CNNM4: variants seen among roughly 807,000 people sequenced by gnomAD.
CNNM4 encodes the protein cyclin and CBS domain divalent metal cation transport mediator 4.
CNNM4 carries 32 observed loss-of-function variants against 53.7 expected under a neutral mutation model. The observed-to-expected ratio is 0.60, with a 90% CI of 0.45 to 0.80. CNNM4 has a LOEUF of 0.80. Ranked by LOEUF, CNNM4 falls within the 30% of genes least tolerant of loss-of-function variation. The pLI is 0.00. For synonymous variants in CNNM4, 410 were observed against 440.0 expected (o/e 0.93, Z 0.85); for missense variants, 784 against 1,022.0 (o/e 0.77, Z 3.17).
In CNNM4 at chr2:96,801,298, C is replaced by T. The variant is rs2079155390; in HGVS notation, c.1948+1650C>T. 6.6e-6 allele frequency among the ~76,000 whole-genome samples: 1 copy of T among 152,180 alleles called. No individual in the cohort carries two copies. Among genetic ancestry groups the T allele is most frequent in the African/African-American group, 2.4e-5 (1 of 41,422 alleles). On this transcript the variant is annotated intron_variant, in intron 5 of 6. Transcript: ENST00000377075. The surrounding 1 kb of genome is among the most constrained non-coding windows in gnomAD (Gnocchi z 5.6). The stretch of plus-strand genomic sequence containing the variant: ...GGGGCCCAATTTCTAGGCAGCTTTG[C>T]TGCCTCAGCTCTAGAAGGGGCCCCC...
intron 1 of CNNM4, among the ~76,000 whole-genome samples, chr2:96,790,775 G>A (rs2079055648): frequency 6.6e-6 from 1 of 150,630 alleles, no homozygotes; most frequent in Non-Finnish European, 1.5e-5. Flanking sequence ...CTTGAGGTTG[G>A]GAGTTAGAGA....
At chr2:96,788,852 G>A (rs1001001719) in intron 1 of CNNM4, 1 of 152,270 alleles carries the variant, frequency 6.6e-6, no homozygotes, top group Non-Finnish European at 1.5e-5. Flanking sequence ...GGTCTGCTCT[G>A]GGGCCCCTGG....
intron 1 of CNNM4, among the ~76,000 whole-genome samples, chr2:96,771,889 C>T (rs962993513): frequency 3.3e-5 from 5 of 152,178 alleles, no homozygotes; most frequent in South Asian, 2.1e-4. Context: ...TGCGCCTCTG[C>T]GGGAAGGTGA....
Position 96,763,183 on chromosome 2 carries a change from C to T in CNNM4, c.1402+782C>T, listed in dbSNP as rs80353321. Among the ~76,000 whole-genome samples, 28 of 152,296 alleles carry T rather than the reference C, an allele frequency of 1.8e-4. No homozygotes were observed. In the East Asian group the frequency reaches 5.4e-3, roughly 29 times the overall value. ...TGTGGCGCCAGCGTAAGCTTCCCTC[C>T]AGTGGTCTGCTGGAAATCTTCAGCT... On this transcript the variant is annotated intron_variant, in intron 1 of 6. Coordinates refer to ENST00000377075, the MANE Select transcript of CNNM4 (RefSeq NM_020184.4).
intron 1 of CNNM4, among the ~76,000 whole-genome samples, chr2:96,765,024 G>GTTTTGTTTTTTTTGTTTTTTTTTTTT (rs2078801834): frequency 2.4e-5 from 1 of 41,518 alleles, no homozygotes; most frequent in African/African-American, 8.8e-5. Context: ...GTTGGGAATG[G>GTTTTGTTTTTTTTGTTTTTTTTTTTT]TTTTTTTTTT....
chr2:96,765,024 G>GTTTTTTTTTTT lies in CNNM4; in HGVS notation c.1402+2655_1402+2665dup, dbSNP rs1158502593. ...GTTTAGGAGTCTGGTGTTGGGAATG[G>GTTTTTTTTTTT]TTTTTTTTTTTTTTTTTTTTTTTTT... is the stretch of plus-strand genomic sequence containing the variant. On this transcript the variant is annotated intron_variant, in intron 1 of 6. Coordinates refer to ENST00000377075, the MANE Select transcript of CNNM4 (RefSeq NM_020184.4). Among the ~76,000 whole-genome samples, 5 of 41,558 alleles carry GTTTTTTTTTTT rather than the reference G, an allele frequency of 1.2e-4. 1 individual carries two copies. Among genetic ancestry groups the GTTTTTTTTTTT allele is most frequent in the Admixed American group, 4.2e-4 (1 of 2,370 alleles). The allele number at this position is 41,558 out of a possible 152,430, so 27.3% of individuals were successfully genotyped here.
intron 5 of CNNM4, among the ~76,000 whole-genome samples, chr2:96,804,048 G>C (rs1476162879): frequency 6.6e-6 from 1 of 151,312 alleles, no homozygotes; most frequent in Non-Finnish European, 1.5e-5. Context: ...ACAGGCAGGT[G>C]CCACCATGCT....
Position 96,762,233 on chromosome 2 carries a change from G to C in CNNM4, c.1234G>C (p.Glu412Gln). The stretch of plus-strand genomic sequence containing the variant: ...CGGCTATACTCGCATCCCGGTGTTC[G>C]AAGACGAGCAGTCCAATATTGTAGA... ...ESGYTRIPVF[E>Q]DEQSNIVDIL... The change falls in exon 1 of 7, where the codon GAA becomes CAA. Residue 412 changes from glutamate to glutamine, a missense_variant. Coordinates refer to ENST00000377075, the MANE Select transcript of CNNM4 (RefSeq NM_020184.4). The C allele has an allele frequency of 6.2e-7, 1 of 1,614,146 alleles. No individual in the cohort carries two copies. The highest frequency in any genetic ancestry group is 8.5e-7 in the Non-Finnish European group (1 of 1,180,030).
intron 1 of CNNM4, among the ~76,000 whole-genome samples, chr2:96,771,044 G>C (rs2078864382): frequency 6.6e-6 from 1 of 152,182 alleles, no homozygotes; most frequent in African/African-American, 2.4e-5. Context: ...TACCCGGCTG[G>C]CCCTCGGCTG....
At chr2:96,772,434 G>GTGCACA (rs1558982303) in intron 1 of CNNM4, among the ~76,000 whole-genome samples, 8 of 101,340 alleles carry the variant, frequency 7.9e-5, no homozygotes, top group South Asian at 3.6e-4. Flanking sequence ...ACACACATGC[G>GTGCACA]CACACACACT....
rs1356695700 is a variant in CNNM4, at chr2:96,811,234, A to C, written c.*1717A>C. 6.6e-6 allele frequency: 1 copy of C among 152,262 alleles called. No homozygotes were observed. Among genetic ancestry groups the C allele is most frequent in the African/African-American group, 2.4e-5 (1 of 41,458 alleles). 9.4% of individuals were successfully genotyped at this position (152,262 alleles called of 1,614,324 possible). On this transcript the variant is annotated 3_prime_UTR_variant, in exon 7 of 7. Transcript: ENST00000377075. ...TGACACCCATGGGTTCTCAACTGTAAGGAAAAAAGACACCAGACTTTTGTT... is the reference window on the plus strand; with the variant it reads ...TGACACCCATGGGTTCTCAACTGTACGGAAAAAAGACACCAGACTTTTGTT...
intron 1 of CNNM4, among the ~76,000 whole-genome samples, chr2:96,768,630 C>T (rs1166428500): frequency 4.6e-5 from 7 of 152,138 alleles, no homozygotes; most frequent in South Asian, 4.1e-4. Flanking sequence ...GAAAGGGGGA[C>T]GAAGAGACAG....
At chr2:96,789,062 T>G (rs1328757910) in intron 1 of CNNM4, among the ~76,000 whole-genome samples, 1 of 152,118 alleles carries the variant, frequency 6.6e-6, no homozygotes, top group East Asian at 1.9e-4. Flanking sequence ...CCATCCTTTC[T>G]GTATCCAGCA....
intron 1 of CNNM4, among the ~76,000 whole-genome samples, chr2:96,776,474 A>C (rs993765001): frequency 1.3e-5 from 2 of 152,162 alleles, no homozygotes; most frequent in African/African-American, 4.8e-5. Context: ...TTATGCTTGG[A>C]ACATTTGAAT....
chr2:96,805,498 G>T (rs2153351028), intron 5 of CNNM4, among the ~76,000 whole-genome samples: 2 of 127,580 alleles, frequency 1.6e-5, no homozygotes, highest in South Asian at 5.4e-4. Context: ...CTCACAGAGG[G>T]GTATTTGGCA....
rs752158846 is a variant in CNNM4, at chr2:96,762,285, T to C, written c.1286T>C (p.Phe429Ser). The C allele has an allele frequency of 6.2e-7, 1 of 1,614,190 alleles. No homozygotes were observed. Among genetic ancestry groups the C allele is most frequent in the Non-Finnish European group, 8.5e-7 (1 of 1,180,032 alleles). The change falls in exon 1 of 7, where the codon TTT becomes TCT. Residue 429 changes from phenylalanine (F) to serine (S), a missense_variant. By Grantham distance (155) the Phe-to-Ser change is radical (BLOSUM62 -2). This residue lies in a region of CNNM4 where 473 missense variants were observed against 624.6 expected (regional missense o/e 0.76). Transcript: ENST00000377075. ...ATTCTCTACGTCAAAGACTTGGCCT[T>C]TGTGGACCCCGATGACTGCACCCCC... ...VDILYVKDLA[F>S]VDPDDCTPLK...
At chr2:96,795,984 A>T (rs2079099689) in intron 1 of CNNM4, among the ~76,000 whole-genome samples, 1 of 151,676 alleles carries the variant, frequency 6.6e-6, no homozygotes, top group African/African-American at 2.4e-5. Flanking sequence ...TCCTTCCCTC[A>T]CTTTGGGTTG....
chr2:96,775,771 G>T (rs1271000927), intron 1 of CNNM4, among the ~76,000 whole-genome samples: 1 of 152,242 alleles, frequency 6.6e-6, no homozygotes, highest in East Asian at 1.9e-4. Flanking sequence ...TGTCATCCAG[G>T]CTGGAGTATA....
At chr2:96,767,457 T>A (rs915840233) in intron 1 of CNNM4, among the ~76,000 whole-genome samples, 1 of 152,170 alleles carries the variant, frequency 6.6e-6, no homozygotes, top group African/African-American at 2.4e-5. Flanking sequence ...CCCCAGTTTG[T>A]GTTTTGCCTT....
Sources: gnomAD v4.1 joint callset for allele counts (sites outside exome capture counted in the v4.1 genomes callset) on GRCh38, gnomAD v4.1.1 for gene constraint, gnomAD v4.1.1 regional missense constraint, Gnocchi (gnomAD v3.1) non-coding constraint, MANE v1.5 for transcripts, NCBI Gene and HGNC (gene_info 2026-07-23, HGNC 2026-07-21) for gene names.